Variants in SCFD2 observed in about 807,000 individuals in gnomAD.
SCFD2 encodes sec1 family domain containing 2, also known as sec1 family domain-containing protein 2.
Under a neutral mutation model 58.9 loss-of-function variants are expected in SCFD2, and 54 were observed. The ratio of observed to expected loss-of-function variants is 0.92; its 90% CI spans 0.74 to 1.15. The LOEUF (loss-of-function observed/expected upper bound fraction) is 1.15, where lower values mean the gene tolerates loss of function less well. Ranked by LOEUF, SCFD2 falls within the 50% of genes most tolerant of loss-of-function variation. The pLI, the probability that SCFD2 is intolerant of heterozygous loss-of-function variation, is 0.00. For missense variants in SCFD2, 805 were observed against 836.6 expected, an observed-to-expected ratio of 0.96 and a Z score of 0.47; for synonymous variants, 321 against 335.9, an observed-to-expected ratio of 0.96 and a Z score of 0.49.
intron 4 of SCFD2, among the ~76,000 whole-genome samples, chr4:53,146,761 C>T (rs1726343009): frequency 1.3e-5 from 2 of 151,984 alleles, no homozygotes; most frequent in South Asian, 4.1e-4. Flanking sequence ...AGAGAGAGAC[C>T]CCATTCCTAA....
At chr4:53,164,788 C>CAAAAAAAAA (rs767167356) in intron 4 of SCFD2, among the ~76,000 whole-genome samples, 2 of 97,654 alleles carry the variant, frequency 2.0e-5, no homozygotes. Flanking sequence ...TCTGGAGTCT[C>CAAAAAAAAA]AAAAAAAAAA....
At chr4:53,033,823 A>G (rs184800944) in intron 5 of SCFD2, among the ~76,000 whole-genome samples, 3 of 151,652 alleles carry the variant, frequency 2.0e-5, no homozygotes, top group African/African-American at 7.2e-5. Flanking sequence ...AGGCAATAAC[A>G]GCCACCCAAC....
At chr4:53,339,663 G>T (rs768491537) in intron 2 of SCFD2, among the ~76,000 whole-genome samples, 1 of 151,982 alleles carries the variant, frequency 6.6e-6, no homozygotes, top group Non-Finnish European at 1.5e-5. Flanking sequence ...CCAGCTACTC[G>T]GGAGGCTGAG....
At chr4:52,976,822 T>A (rs539040072) in intron 5 of SCFD2, among the ~76,000 whole-genome samples, 1 of 152,256 alleles carries the variant, frequency 6.6e-6, no homozygotes, top group South Asian at 2.1e-4. Flanking sequence ...AGAGTTGAGA[T>A]TTTGGCACTG....
At chr4:53,226,807 G>A (rs1306703054) in intron 4 of SCFD2, among the ~76,000 whole-genome samples, 1 of 152,192 alleles carries the variant, frequency 6.6e-6, no homozygotes, top group African/African-American at 2.4e-5. Context: ...AAATGACCCA[G>A]TAAAAGAGAA....
rs766742667 is a variant in SCFD2, at chr4:53,313,780, A to G, written c.1008-17T>C. The G allele has an allele frequency of 9.3e-6, 15 of 1,613,458 alleles. No individual in the cohort carries two copies. Among genetic ancestry groups the G allele is most frequent in the Non-Finnish European group, 1.2e-5 (14 of 1,179,612 alleles). ...GTGGTGTCACTGCAGGAAAATCACA[A>G]AAAGAGCTTTAGAATAAATTTCTAC... On this transcript the variant is annotated splice_polypyrimidine_tract_variant and intron_variant, in intron 2 of 8. Coordinates refer to ENST00000401642, the MANE Select transcript of SCFD2 (RefSeq NM_152540.4).
intron 5 of SCFD2, among the ~76,000 whole-genome samples, chr4:53,102,505 A>G (rs999892826): frequency 1.3e-5 from 2 of 152,144 alleles, no homozygotes; most frequent in African/African-American, 4.8e-5. Context: ...ACTAATATTC[A>G]TAATTTATAA....
chr4:53,362,911 A>G (rs768651328), intron 1 of SCFD2, among the ~76,000 whole-genome samples: 1 of 152,192 alleles, frequency 6.6e-6, no homozygotes, highest in Non-Finnish European at 1.5e-5. Context: ...ATATGAAGGA[A>G]GGAAAAAGAC....
At chr4:53,253,663 T>C (rs1490081258) in intron 4 of SCFD2, among the ~76,000 whole-genome samples, 2 of 145,426 alleles carry the variant, frequency 1.4e-5, no homozygotes, top group African/African-American at 5.1e-5. Flanking sequence ...ACCACATGTT[T>C]TCACTCATAG....
chr4:53,054,859 G>A lies in SCFD2; in HGVS notation c.1561+90474C>T, dbSNP rs141561737. Among the ~76,000 whole-genome samples the A allele has an allele frequency of 5.9e-5, 9 of 152,214 alleles. No individual in the cohort carries two copies. In the East Asian group the frequency reaches 1.7e-3, roughly 29 times the overall value. ...TGTAGAGACAAGATCTCCCTATGTT[G>A]CCTGGACTGGTTTCAAACTCCCGGG... On this transcript the variant is annotated intron_variant, in intron 5 of 8. Coordinates refer to ENST00000401642, the MANE Select transcript of SCFD2 (RefSeq NM_152540.4).
intron 4 of SCFD2, among the ~76,000 whole-genome samples, chr4:53,163,206 C>T (rs1726906466): frequency 6.6e-6 from 1 of 152,200 alleles, no homozygotes; most frequent in Admixed American, 6.5e-5. Flanking sequence ...GTTCTCTGCT[C>T]CAACGGAGAA....
At chr4:52,963,216 C>T (rs1720890146) in intron 5 of SCFD2, among the ~76,000 whole-genome samples, 1 of 152,182 alleles carries the variant, frequency 6.6e-6, no homozygotes, top group Non-Finnish European at 1.5e-5. Context: ...AACTTATTTT[C>T]AGAATGCCCT....
chr4:53,231,791 T>TA (rs991659892), intron 4 of SCFD2, among the ~76,000 whole-genome samples: 60 of 152,096 alleles, frequency 3.9e-4, no homozygotes, highest in African/African-American at 1.3e-3. Flanking sequence ...TATAATCCCT[T>TA]AAAAAATGTA....
At chr4:53,354,991 A>G (rs1396559478) in intron 1 of SCFD2, among the ~76,000 whole-genome samples, 4 of 152,230 alleles carry the variant, frequency 2.6e-5, no homozygotes, top group East Asian at 1.9e-4. Flanking sequence ...AATTAAGCCA[A>G]TTGCTTCAAG....
chr4:53,313,075 A>G (rs1577958939), intron 3 of SCFD2, among the ~76,000 whole-genome samples: 1 of 152,180 alleles, frequency 6.6e-6, no homozygotes. Context: ...ATCTAATACC[A>G]AAGACAAAGA....
At chr4:52,919,783 C>T (rs1276707772) in intron 6 of SCFD2, among the ~76,000 whole-genome samples, 1 of 152,176 alleles carries the variant, frequency 6.6e-6, no homozygotes, top group Non-Finnish European at 1.5e-5. Context: ...ATACAGGATA[C>T]TGGAGGAAGA....
At chr4:53,105,150 C>T (rs1027262063) in intron 5 of SCFD2, among the ~76,000 whole-genome samples, 4 of 152,070 alleles carry the variant, frequency 2.6e-5, no homozygotes, top group African/African-American at 7.2e-5. Flanking sequence ...TGGTGCACTC[C>T]GGCCCAGATA....
intron 6 of SCFD2, among the ~76,000 whole-genome samples, chr4:52,912,711 T>C (rs1719515274): frequency 6.6e-6 from 1 of 152,206 alleles, no homozygotes; most frequent in African/African-American, 2.4e-5. Context: ...AGCCTCTTAG[T>C]TTGGACCATT....
At chr4:53,270,976 C>G (rs1304516539) in intron 4 of SCFD2, among the ~76,000 whole-genome samples, 1 of 152,106 alleles carries the variant, frequency 6.6e-6, no homozygotes, top group Non-Finnish European at 1.5e-5. Context: ...CAAAAATTAT[C>G]ATCTCACAAA....
Sources: allele counts gnomAD v4.1 joint callset (sites outside exome capture counted in the v4.1 genomes callset), GRCh38; gene constraint gnomAD v4.1.1; transcripts MANE v1.5; gene names NCBI Gene and HGNC (gene_info 2026-07-23, HGNC 2026-07-21).